The following PARD3B variants were observed in gnomAD, a reference collection of about 807,000 sequenced individuals.
The protein encoded by PARD3B is par-3 family cell polarity regulator beta.
In PARD3B, 103 loss-of-function variants were observed where a neutral mutation model predicts 130.2. The observed-to-expected ratio is 0.79, with a 90% confidence interval of 0.67 to 0.93. The LOEUF (loss-of-function observed/expected upper bound fraction) is 0.93. Ranked by LOEUF, PARD3B falls within the 40% of genes least tolerant of loss-of-function variation. The pLI, the probability that PARD3B is intolerant of heterozygous loss-of-function variation, is 0.00. For synonymous variants in PARD3B, 583 were observed against 553.2 expected (o/e 1.05, Z -0.76); for missense variants, 1,609 against 1,499.2 (o/e 1.07, Z -1.21).
intron 1 of PARD3B, among the ~76,000 whole-genome samples, chr2:204,575,843 T>C (rs948270599): frequency 4.6e-5 from 7 of 152,238 alleles, no homozygotes; most frequent in Non-Finnish European, 1.0e-4. Context: ...CAGTCTTCAC[T>C]GTCCCCTTAG....
intron 18 of PARD3B, among the ~76,000 whole-genome samples, chr2:205,358,960 G>T (rs2044293294): frequency 6.6e-6 from 1 of 152,118 alleles, no homozygotes; most frequent in Non-Finnish European, 1.5e-5. Context: ...CCATTTTTGA[G>T]AAGTGTTGTC....
At chr2:204,831,362 T>G (rs967117348) in intron 2 of PARD3B, among the ~76,000 whole-genome samples, 1 of 152,230 alleles carries the variant, frequency 6.6e-6, no homozygotes, top group Non-Finnish European at 1.5e-5. Flanking sequence ...ACAACATTCT[T>G]TAAATATCAC....
rs1315847159 is a variant in PARD3B at position 205,024,170 on chromosome 2, T to G, written c.395-23411T>G. ...CATCATTTTCTTTCTTTCTTTTTTTTTTTTTTTTTTTTTTGAGATGGAGCC... is the reference window on the plus strand; with the variant it reads ...CATCATTTTCTTTCTTTCTTTTTTTGTTTTTTTTTTTTTTGAGATGGAGCC... On this transcript the variant is annotated intron_variant, in intron 3 of 22. Transcript: ENST00000406610. Among the ~76,000 whole-genome samples the G allele has an allele frequency of 3.1e-4, 44 of 141,056 alleles. 1 individual carries two copies. The highest frequency in any genetic ancestry group is 1.6e-5 in the Non-Finnish European group (1 of 64,506). 92.5% of individuals were successfully genotyped at this position (141,056 alleles called of 152,430 possible).
chr2:205,456,992 G>T (rs2048299699), intron 20 of PARD3B, among the ~76,000 whole-genome samples: 1 of 151,024 alleles, frequency 6.6e-6, no homozygotes, highest in Non-Finnish European at 1.5e-5. Flanking sequence ...AATATTTATT[G>T]CTGTCTTCAT....
At position 205,273,375 on chromosome 2, in the gene PARD3B, T is replaced by C. The variant is rs111945695; in HGVS notation, c.2186-27155T>C. Among the ~76,000 whole-genome samples, 863 of 152,354 alleles carry C rather than the reference T, an allele frequency of 5.7e-3. 3 individuals carry two copies. The highest frequency in any genetic ancestry group is 9.4e-3 in the Non-Finnish European group (642 of 68,034). ...GCTCCTTTGTTATACTTACTGTGAA[T>C]TCCACTCCTTCACCTAACAAAACAA... On this transcript the variant is annotated intron_variant, in intron 16 of 22. Transcript: ENST00000406610.
intron 3 of PARD3B, among the ~76,000 whole-genome samples, chr2:205,001,993 A>T (rs2125282896): frequency 6.6e-6 from 1 of 152,356 alleles, no homozygotes; most frequent in East Asian, 1.9e-4. Context: ...TAAATTTAGG[A>T]AGAAATCTTG....
intron 2 of PARD3B, among the ~76,000 whole-genome samples, chr2:204,750,874 C>G (rs1210527010): frequency 6.6e-6 from 1 of 152,216 alleles, no homozygotes; most frequent in South Asian, 2.1e-4. Flanking sequence ...ATTTAGGTAA[C>G]TCTTGCAAAG....
At chr2:205,504,872 C>T (rs1299680192) in intron 21 of PARD3B, among the ~76,000 whole-genome samples, 1 of 152,196 alleles carries the variant, frequency 6.6e-6, no homozygotes, top group African/African-American at 2.4e-5. Flanking sequence ...CCATTTGACC[C>T]AGCCATCCCA....
At chr2:204,740,178 A>C (rs971788838) in intron 2 of PARD3B, among the ~76,000 whole-genome samples, 1 of 150,252 alleles carries the variant, frequency 6.7e-6, no homozygotes, top group African/African-American at 2.5e-5. Context: ...TGCCTGGCTA[A>C]TCTTTTTTTT....
At chr2:204,793,348 T>C (rs1162994015) in intron 2 of PARD3B, among the ~76,000 whole-genome samples, 2 of 152,154 alleles carry the variant, frequency 1.3e-5, no homozygotes, top group African/African-American at 4.8e-5. Context: ...TAACAGATTA[T>C]TTAATTAGTT....
At position 205,246,097 on chromosome 2, in the gene PARD3B, T is replaced by C. The variant is rs186523846; in HGVS notation, c.2185+275T>C. On this transcript the variant is annotated intron_variant, in intron 16 of 22. Transcript: ENST00000406610. The stretch of plus-strand genomic sequence containing the variant: ...TTAAATCTGTACTCTAGCTAAACAC[T>C]TAAAAAAATTGCAAGAAAACCCAAG... Among the ~76,000 whole-genome samples, 278 of 152,282 alleles carry C rather than the reference T, an allele frequency of 1.8e-3. 2 individuals are homozygous for C. The highest frequency in any genetic ancestry group is 3.4e-3 in the Non-Finnish European group (234 of 68,026).
intron 18 of PARD3B, among the ~76,000 whole-genome samples, chr2:205,392,922 TTAACA>T (rs1230753505): frequency 2.0e-5 from 3 of 152,200 alleles, no homozygotes; most frequent in African/African-American, 7.2e-5. Flanking sequence ...ATCAATAATA[TTAACA>T]TAAAAGTGAG....
rs918505750 is a variant in PARD3B, at chr2:204,907,631, T to C, written c.223-57521T>C. Among the ~76,000 whole-genome samples, 3 of 152,210 alleles carry C rather than the reference T, an allele frequency of 2.0e-5. No homozygotes were observed. Among genetic ancestry groups the C allele is most frequent in the Non-Finnish European group, 2.9e-5 (2 of 68,036 alleles). On this transcript the variant is annotated intron_variant, in intron 2 of 22. Transcript: ENST00000406610. This position sits in a 1 kb window ranked among gnomAD's most constrained non-coding sequence, Gnocchi z 5.7. Reference sequence around the variant, plus strand: ...GTTTGGTCATAAAATTGTGTCTCTTTATAGATATTATAAGACTTTCTTGAC... The same window carrying C: ...GTTTGGTCATAAAATTGTGTCTCTTCATAGATATTATAAGACTTTCTTGAC...
At chr2:205,173,463 TG>T (rs1407623079) in intron 12 of PARD3B, among the ~76,000 whole-genome samples, 9 of 152,212 alleles carry the variant, frequency 5.9e-5, no homozygotes, top group African/African-American at 2.2e-4. Flanking sequence ...TCCCTTAATG[TG>T]TCCTTGGTTT....
Position 205,572,126 on chromosome 2 carries a change from T to C in PARD3B, c.3260+18723T>C, listed in dbSNP as rs748234529. Among the ~76,000 whole-genome samples the C allele has an allele frequency of 1.3e-5, 2 of 152,208 alleles. No individual in the cohort carries two copies. The highest frequency in any genetic ancestry group is 6.5e-5 in the Admixed American group (1 of 15,284). ...TTCATTCAGTAAACTTTTACATAAA[T>C]ACTACTATATAGCCAGCACTGAGGA... is the stretch of plus-strand genomic sequence containing the variant. On this transcript the variant is annotated intron_variant, in intron 22 of 22. Coordinates refer to ENST00000406610, the MANE Select transcript of PARD3B (RefSeq NM_001302769.2). This position sits in a 1 kb window ranked among gnomAD's most constrained non-coding sequence, Gnocchi z 4.2.
Position 204,967,727 on chromosome 2 carries a change from C to A in PARD3B, c.394+2404C>A, listed in dbSNP as rs548979900. On this transcript the variant is annotated intron_variant, in intron 3 of 22. Transcript: ENST00000406610. This position sits in a 1 kb window ranked among gnomAD's most constrained non-coding sequence, Gnocchi z 4.4. The stretch of plus-strand genomic sequence containing the variant: ...GAAGTTAAAGAAGGAAGCAACACAG[C>A]CAGCTTTGGTCTCCACCCATTCTGT... Among the ~76,000 whole-genome samples the A allele has an allele frequency of 5.9e-5, 9 of 152,338 alleles. No individual in the cohort carries two copies. The highest frequency in any genetic ancestry group is 4.1e-4 in the South Asian group (2 of 4,828).
chr2:204,716,672 G>A (rs1335683732), intron 2 of PARD3B, among the ~76,000 whole-genome samples: 2 of 149,118 alleles, frequency 1.3e-5, no homozygotes, highest in Non-Finnish European at 3.0e-5. Flanking sequence ...GCCCAGGCTG[G>A]AGTACAGTGG....
chr2:205,474,319 A>G (rs767752919), intron 20 of PARD3B, among the ~76,000 whole-genome samples: 1 of 152,092 alleles, frequency 6.6e-6, no homozygotes, highest in Non-Finnish European at 1.5e-5. Context: ...GAGTATTTTC[A>G]TCCAGTGTTT....
At chr2:205,222,563 T>C (rs2038300011) in intron 15 of PARD3B, among the ~76,000 whole-genome samples, 1 of 152,012 alleles carries the variant, frequency 6.6e-6, no homozygotes, top group Admixed American at 6.6e-5. Flanking sequence ...AAAAAAGGGG[T>C]CACTAGACAA....
Sources: allele counts gnomAD v4.1 joint callset (sites outside exome capture counted in the v4.1 genomes callset), GRCh38; gene constraint gnomAD v4.1.1; non-coding constraint Gnocchi (gnomAD v3.1); transcripts MANE v1.5; gene names NCBI Gene and HGNC (gene_info 2026-07-23, HGNC 2026-07-21).